PLAC1: variants seen among roughly 807,000 people sequenced by gnomAD.
PLAC1 encodes placenta associated 1, also known as placenta-specific protein 1.
For synonymous variants in PLAC1, 68 were observed against 62.1 expected (o/e 1.09, Z -0.44); for missense variants, 136 against 163.2 (o/e 0.83, Z 0.91).
chrX:134,651,058 T>C, intron 1 of PLAC1: 1 of 280,057 alleles, frequency 3.6e-6, no homozygotes, highest in Non-Finnish European at 7.4e-6. Context: ...AAAATCCAAG[T>C]CTGGCTAGTA....
At chrX:134,670,316 T>G (rs1414459846) in intron 2 of PLAC1, among the ~76,000 whole-genome samples, 1 of 111,407 alleles carries the variant, frequency 9.0e-6, no homozygotes, top group African/African-American at 3.3e-5. Context: ...GCCTGAGGAA[T>G]GCCTCCCAAG....
At chrX:134,633,415 G>T (rs1324160820) in intron 1 of PLAC1, among the ~76,000 whole-genome samples, 1 of 111,831 alleles carries the variant, frequency 8.9e-6, no homozygotes, top group African/African-American at 3.3e-5. Flanking sequence ...AGTTTCAAGG[G>T]TTCCAGTAGG....
At chrX:134,595,651 C>T (rs1401686922) in intron 2 of PLAC1, among the ~76,000 whole-genome samples, 1 of 107,556 alleles carries the variant, frequency 9.3e-6, no homozygotes, top group Non-Finnish European at 1.9e-5. Flanking sequence ...ATTTCTTTCT[C>T]TGAAGTCTAT....
At chrX:134,573,545 T>C (rs1436550223) in intron 2 of PLAC1, among the ~76,000 whole-genome samples, 2 of 111,394 alleles carry the variant, frequency 1.8e-5, no homozygotes, top group Non-Finnish European at 1.9e-5. Flanking sequence ...AGGCAGAGGA[T>C]TGAATCAGAT....
At chrX:134,613,581 G>C (rs893965973) in intron 1 of PLAC1, among the ~76,000 whole-genome samples, 1 of 111,174 alleles carries the variant, frequency 9.0e-6, no homozygotes, top group Non-Finnish European at 1.9e-5. Context: ...TGTCTTGCCT[G>C]GTTTTCTTCA....
At chrX:134,590,521 A>G in intron 2 of PLAC1, among the ~76,000 whole-genome samples, 1 of 112,485 alleles carries the variant, frequency 8.9e-6, no homozygotes, top group East Asian at 2.8e-4. Flanking sequence ...TTTGCGATAA[A>G]TGATACAAGG....
chrX:134,678,957 T>C (rs188051935), intron 2 of PLAC1, among the ~76,000 whole-genome samples: 8 of 111,387 alleles, frequency 7.2e-5, no homozygotes, highest in African/African-American at 2.3e-4. Flanking sequence ...ATCAGAGTGA[T>C]GCAGCCACAA....
chrX:134,721,097 G>A (rs962698868), intron 2 of PLAC1, among the ~76,000 whole-genome samples: 16 of 112,315 alleles, frequency 1.4e-4, no homozygotes, highest in African/African-American at 4.9e-4. Flanking sequence ...ACAACTAAAC[G>A]ATAAAAAGAC....
At chrX:134,762,081 A>G (rs1257949804) in intron 1 of PLAC1, among the ~76,000 whole-genome samples, 2 of 110,017 alleles carry the variant, frequency 1.8e-5, no homozygotes, top group Admixed American at 9.6e-5. Context: ...ACATTCCAGA[A>G]CTCTTGAGGT....
chrX:134,657,993 A>AGT (rs756940653), intron 1 of PLAC1, among the ~76,000 whole-genome samples: 17 of 109,990 alleles, frequency 1.5e-4, no homozygotes, highest in East Asian at 2.9e-4. Flanking sequence ...TGCATGTGTG[A>AGT]GTGTGTGTGT....
chrX:134,569,775 TG>T (rs1243698375), intron 2 of PLAC1, among the ~76,000 whole-genome samples: 43 of 104,781 alleles, frequency 4.1e-4, no homozygotes, highest in African/African-American at 1.4e-3. Flanking sequence ...TGTGTGTGTG[TG>T]TGTGTGTGTG....
intron 1 of PLAC1, among the ~76,000 whole-genome samples, chrX:134,735,658 A>AAGAGAGAGAGAGAGAGAG (rs369034725): frequency 2.8e-5 from 3 of 105,827 alleles, no homozygotes; most frequent in Non-Finnish European, 3.9e-5. Context: ...AAGAGAGAGG[A>AAGAGAGAGAGAGAGAGAG]AGAGAGAGAG....
chrX:134,750,245 T>C (rs2078737811), intron 1 of PLAC1, among the ~76,000 whole-genome samples: 1 of 111,486 alleles, frequency 9.0e-6, no homozygotes, highest in African/African-American at 3.3e-5. Context: ...TTTGGCTCAG[T>C]ACAAATTTGG....
intron 1 of PLAC1, among the ~76,000 whole-genome samples, chrX:134,657,699 G>A (rs1258441759): frequency 9.1e-6 from 1 of 110,250 alleles, no homozygotes; most frequent in Non-Finnish European, 1.9e-5. Context: ...TCAGAATCAA[G>A]GTCCAGAGAC....
intron 1 of PLAC1, among the ~76,000 whole-genome samples, chrX:134,623,020 C>T (rs1461815350): frequency 8.9e-6 from 1 of 112,297 alleles, no homozygotes; most frequent in African/African-American, 3.2e-5. Context: ...GGAGCACCCT[C>T]AGGGAACATT....
chrX:134,710,891 G>A (rs1228518460), intron 2 of PLAC1, among the ~76,000 whole-genome samples: 1 of 111,243 alleles, frequency 9.0e-6, no homozygotes, highest in African/African-American at 3.3e-5. Context: ...ACAAGTGTTT[G>A]CTATACTCTT....
intron 2 of PLAC1, among the ~76,000 whole-genome samples, chrX:134,569,292 C>T (rs910544957): frequency 9.0e-6 from 1 of 111,625 alleles, no homozygotes; most frequent in Non-Finnish European, 1.9e-5. Context: ...CACTTCCCAC[C>T]CCCACACGTT....
intron 2 of PLAC1, among the ~76,000 whole-genome samples, chrX:134,694,965 G>C (rs1038875724): frequency 1.8e-5 from 2 of 112,015 alleles, no homozygotes; most frequent in African/African-American, 6.5e-5. Flanking sequence ...AGGATGTTTT[G>C]AAAGTCAGGT....
intron 1 of PLAC1, among the ~76,000 whole-genome samples, chrX:134,756,831 A>G (rs1460697353): frequency 1.8e-5 from 2 of 109,055 alleles, no homozygotes; most frequent in South Asian, 4.1e-4. Context: ...CCTGGGGGAA[A>G]GAGCAAGACT....
Sources: gnomAD v4.1 joint callset for allele counts (sites outside exome capture counted in the v4.1 genomes callset) on GRCh38, gnomAD v4.1.1 for gene constraint, MANE v1.5 for transcripts, NCBI Gene and HGNC (gene_info 2026-07-23, HGNC 2026-07-21) for gene names.